Variants in KDM4B observed in about 807,000 individuals in gnomAD.
KDM4B encodes the protein lysine demethylase 4B.
A neutral mutation model predicts 125.2 loss-of-function variants in KDM4B; 32 were observed. The ratio of observed to expected loss-of-function variants is 0.26; its 90% CI spans 0.19 to 0.34. KDM4B has a LOEUF of 0.34. KDM4B is among the 10% of genes least tolerant of loss of function. The pLI is 1.00. For synonymous variants in KDM4B, 721 were observed against 677.9 expected (o/e 1.06, Z -0.99); for missense variants, 1,190 against 1,577.7 (o/e 0.75, Z 4.16).
intron 1 of KDM4B, among the ~76,000 whole-genome samples, chr19:4,974,095 C>T (rs566559836): frequency 2.7e-5 from 4 of 148,388 alleles, no homozygotes; most frequent in African/African-American, 1.0e-4. Flanking sequence ...GGCAAGACTC[C>T]GTCTCAAAAA....
chr19:5,001,519 A>C (rs527510516), intron 1 of KDM4B, among the ~76,000 whole-genome samples: 1 of 152,304 alleles, frequency 6.6e-6, no homozygotes, highest in Non-Finnish European at 1.5e-5. Flanking sequence ...CCAGGCTCTT[A>C]CGGTGGCGAA....
At chr19:5,148,241 G>A (rs10403727) in intron 21 of KDM4B, among the ~76,000 whole-genome samples, 38,734 of 152,164 alleles carry the variant, frequency 0.25, 5,009 homozygotes, top group African/African-American at 0.27. Context: ...TTCAGAACTC[G>A]CCCTGTGGAG....
chr19:4,970,307 G>T (rs1261370007), intron 1 of KDM4B, among the ~76,000 whole-genome samples: 1 of 152,254 alleles, frequency 6.6e-6, no homozygotes, highest in Non-Finnish European at 1.5e-5. Context: ...CCAGCACCCT[G>T]TGAGGAAGTG....
rs765013799 is a variant in KDM4B at position 5,039,832 on chromosome 19, G to A, written c.142-4G>A. On this transcript the variant is annotated splice_region_variant and splice_polypyrimidine_tract_variant and intron_variant, in intron 3 of 22. Coordinates refer to ENST00000159111, the MANE Select transcript of KDM4B (RefSeq NM_015015.3). The stretch of plus-strand genomic sequence containing the variant: ...TGCCACTGACTCCCATCTTGGTCTT[G>A]CAGATCATCCCCCCGAAGGAGTGGA... 6.2e-7 allele frequency: 1 copy of A among 1,611,554 alleles called. No individual in the cohort carries two copies. The highest frequency in any genetic ancestry group is 1.7e-5 in the Admixed American group (1 of 59,946).
At chr19:5,089,805 C>A (rs2038630167) in intron 9 of KDM4B, among the ~76,000 whole-genome samples, 1 of 151,750 alleles carries the variant, frequency 6.6e-6, no homozygotes, top group Admixed American at 6.6e-5. Flanking sequence ...TGAGCAAGCA[C>A]CCCACAGTTC....
chr19:5,046,173 A>C (rs909174520), intron 5 of KDM4B, among the ~76,000 whole-genome samples: 1 of 152,260 alleles, frequency 6.6e-6, no homozygotes, highest in East Asian at 1.9e-4. Context: ...AGCCGCACGC[A>C]GGCTGTGCCA....
intron 1 of KDM4B, among the ~76,000 whole-genome samples, chr19:4,979,536 C>T (rs2034566700): frequency 6.6e-6 from 1 of 152,180 alleles, no homozygotes; most frequent in Admixed American, 6.5e-5. Flanking sequence ...TCTGGGGTGT[C>T]TCTGGAGGTG....
At chr19:5,113,614 G>A (rs2039195173) in intron 10 of KDM4B, among the ~76,000 whole-genome samples, 1 of 152,198 alleles carries the variant, frequency 6.6e-6, no homozygotes, top group South Asian at 2.1e-4. Context: ...CAAGGGGCTT[G>A]TGGACACAGG....
At chr19:5,131,033 A>G in intron 11 of KDM4B, 43 bp from the exon 12 acceptor site, 1 of 1,404,194 alleles carries the variant, frequency 7.1e-7, no homozygotes, top group Non-Finnish European at 9.5e-7. Context: ...CCAGCACTTG[A>G]GCCCGGGTTC....
intron 6 of KDM4B, among the ~76,000 whole-genome samples, chr19:5,050,017 G>A (rs556858731): frequency 2.0e-5 from 3 of 152,222 alleles, no homozygotes; most frequent in Admixed American, 6.5e-5. Context: ...TCCCTTCCTC[G>A]GGCCCTTGGG....
intron 21 of KDM4B, among the ~76,000 whole-genome samples, chr19:5,148,569 CG>C: frequency 6.6e-6 from 1 of 152,332 alleles, no homozygotes; most frequent in Non-Finnish European, 1.5e-5. Context: ...GAGGCCGAGT[CG>C]GGGCCGGGGA....
At chr19:5,111,297 G>A (rs978659556) in intron 10 of KDM4B, 1 of 714,330 alleles carries the variant, frequency 1.4e-6, no homozygotes, top group African/African-American at 1.7e-5. Context: ...AGGTGGGGCT[G>A]CTTGGATTTG....
chr19:5,083,513 T>C (rs934446604), intron 9 of KDM4B, among the ~76,000 whole-genome samples: 10 of 152,228 alleles, frequency 6.6e-5, no homozygotes, highest in African/African-American at 2.4e-4. Flanking sequence ...CTGGGGAGCC[T>C]CCTCCCAGGG....
At chr19:5,093,667 C>T (rs889687682) in intron 9 of KDM4B, among the ~76,000 whole-genome samples, 1 of 152,238 alleles carries the variant, frequency 6.6e-6, no homozygotes, top group African/African-American at 2.4e-5. Flanking sequence ...TGCCAAGGCA[C>T]CTGCCACCCA....
chr19:5,131,003 G>T (rs2039532527), intron 11 of KDM4B, 73 bp from the exon 12 acceptor site: 2 of 1,151,864 alleles, frequency 1.7e-6, no homozygotes, highest in East Asian at 5.2e-5. Context: ...AAAGTTGGGG[G>T]ATTTCTGGGG....
intron 9 of KDM4B, among the ~76,000 whole-genome samples, chr19:5,105,390 C>G (rs774324222): frequency 1.3e-5 from 2 of 152,218 alleles, no homozygotes; most frequent in Non-Finnish European, 2.9e-5. Context: ...TGTTACACTG[C>G]GAGTTACACT....
rs536246193 is a variant in KDM4B at position 4,991,787 on chromosome 19, G to A, written c.-109+22557G>A. Among the ~76,000 whole-genome samples, 9 of 152,254 alleles carry A rather than the reference G, an allele frequency of 5.9e-5. 1 individual carries two copies. The highest frequency in any genetic ancestry group is 2.0e-4 in the Admixed American group (3 of 15,286). On this transcript the variant is annotated intron_variant, in intron 1 of 22. Coordinates refer to ENST00000159111, the MANE Select transcript of KDM4B (RefSeq NM_015015.3). ...TCTGTCACCCCCAGGCCCTGGCGAC[G>A]GCTGAGGATCTCTGCATCTCTGTAA...
intron 21 of KDM4B, among the ~76,000 whole-genome samples, chr19:5,149,603 T>C (rs1308513950): frequency 6.6e-6 from 1 of 152,166 alleles, no homozygotes; most frequent in Non-Finnish European, 1.5e-5. Flanking sequence ...CCCATCGCAG[T>C]TATGAGGTGG....
chr19:5,013,700 A>G (rs1399216812), intron 1 of KDM4B, among the ~76,000 whole-genome samples: 2 of 152,098 alleles, frequency 1.3e-5, no homozygotes. Context: ...CTGTGAGGAC[A>G]TTCCGCCTCC....
Sources: gnomAD v4.1 joint callset for allele counts (sites outside exome capture counted in the v4.1 genomes callset) on GRCh38, gnomAD v4.1.1 for gene constraint, MANE v1.5 for transcripts, NCBI Gene and HGNC (gene_info 2026-07-23, HGNC 2026-07-21) for gene names.